The following MGAM2 variants were observed in gnomAD, a reference collection of about 807,000 sequenced individuals.
MGAM2 encodes the protein probable maltase-glucoamylase 2.
A neutral mutation model predicts 96.1 loss-of-function variants in MGAM2; 98 were observed. That is an observed-to-expected ratio of 1.02 (90% CI 0.87 to 1.21). The LOEUF (loss-of-function observed/expected upper bound fraction) is 1.21. MGAM2 is among the 50% of genes most tolerant of loss of function. The probability of loss-of-function intolerance (pLI) is 0.00; values close to 1 mark genes in which losing one functional copy is unlikely to be tolerated. For synonymous variants in MGAM2, 749 were observed against 414.8 expected (o/e 1.81, Z -9.79); for missense variants, 2,055 against 1,182.4 (o/e 1.74, Z -10.82).
chr7:142,160,304 T>C, intron 21 of MGAM2, 46 bp downstream of exon 21: 1 of 638,712 alleles, frequency 1.6e-6, no homozygotes, highest in South Asian at 1.8e-5. Flanking sequence ...GGTGCTCTAA[T>C]GGAGCAGGGC....
At chr7:142,196,626 T>C (rs1249485856) in intron 39 of MGAM2, 27 bp downstream of exon 39, 1 of 734,006 alleles carries the variant, frequency 1.4e-6, no homozygotes, top group Admixed American at 1.9e-5. Context: ...CCATTACTAA[T>C]TGCCCAGTCA....
chr7:142,114,153 GGAAAGAAAGAAAGAAA>G (rs772126693), intron 1 of MGAM2, among the ~76,000 whole-genome samples: 883 of 87,128 alleles, frequency 0.01, 64 homozygotes, highest in African/African-American at 0.039. Context: ...AAAGAAAGAA[GGAAAGAAAGAAAGAAA>G]GAAAGAAAGA....
chr7:142,200,212 T>A (rs947726659), intron 45 of MGAM2, among the ~76,000 whole-genome samples: 7 of 152,194 alleles, frequency 4.6e-5, no homozygotes, highest in African/African-American at 1.4e-4. Flanking sequence ...CCAGGGATGA[T>A]CTATCTCTGT....
intron 10 of MGAM2, among the ~76,000 whole-genome samples, chr7:142,139,556 C>T (rs1017538940): frequency 1.3e-5 from 2 of 149,954 alleles, no homozygotes; most frequent in African/African-American, 4.9e-5. Flanking sequence ...AGCTACAAAG[C>T]AGGCTGAGGC....
chr7:142,163,811 T>G (rs1443834009), intron 23 of MGAM2, among the ~76,000 whole-genome samples: 1 of 152,204 alleles, frequency 6.6e-6, no homozygotes, highest in Non-Finnish European at 1.5e-5. Flanking sequence ...CAGCTCATTG[T>G]GTTTTTAATT....
At position 142,147,452 on chromosome 7, in the gene MGAM2, C is replaced by T; in HGVS notation, c.1517-4C>T. 2.9e-6 allele frequency: 2 copies of T among 700,588 alleles called. No individual in the cohort carries two copies. The highest frequency in any genetic ancestry group is 3.5e-5 in the African/African-American group (2 of 57,226). The allele number at this position is 700,588 out of a possible 1,614,324, so 43.4% of individuals were successfully genotyped here. A position where few individuals can be genotyped will look rare whatever the true frequency, so the allele number is the denominator to read the frequency against. On this transcript the variant is annotated splice_polypyrimidine_tract_variant and splice_region_variant and intron_variant, in intron 14 of 47. Coordinates refer to ENST00000477922, the MANE Select transcript of MGAM2 (RefSeq NM_001293626.2). ...GTGCCTCACTAATGAGTATTTCCCT[C>T]CAGGAGTTCTGGATCACTTACTTTT...
chr7:142,149,820 C>T (rs1259910646), intron 15 of MGAM2, among the ~76,000 whole-genome samples: 1 of 152,158 alleles, frequency 6.6e-6, no homozygotes, highest in Non-Finnish European at 1.5e-5. Flanking sequence ...GGATTACAGG[C>T]GTGAGCCACC....
At chr7:142,190,453 T>C (rs533412146) in intron 37 of MGAM2, among the ~76,000 whole-genome samples, 11 of 152,080 alleles carry the variant, frequency 7.2e-5, no homozygotes, top group African/African-American at 2.7e-4. Flanking sequence ...TTTGTATTTT[T>C]TAGTAGAGAC....
chr7:142,182,014 T>A (rs1796559339), intron 32 of MGAM2, among the ~76,000 whole-genome samples: 1 of 152,110 alleles, frequency 6.6e-6, no homozygotes. Context: ...GCAGAGTCTG[T>A]GGCTGGTAAA....
rs185936773 is a variant in MGAM2 at position 142,198,735 on chromosome 7, T to A, written c.5044T>A (p.Ser1682Thr). The change falls in exon 44 of 48, where the codon TCC (serine) becomes ACC (threonine). Residue 1682 changes from serine (S) to threonine (T), a missense_variant. Transcript: ENST00000477922. ...GCAAGAGCCTGCTATGAACACTCAC[T>A]CCAGGTGAGGAGAAGAGGCAATGTC... ...PWQEPAMNTH[S>T]SRQNFMGLIV... 4 of 703,450 alleles carry A rather than the reference T, an allele frequency of 5.7e-6. No homozygotes were observed. The Admixed American group carries it at 8.0e-5, about 14-fold the overall frequency. 43.6% of individuals were successfully genotyped at this position (703,450 alleles called of 1,614,324 possible). A position where few individuals can be genotyped will look rare whatever the true frequency, so the allele number is the denominator to read the frequency against.
Position 142,187,696 on chromosome 7 carries a change from C to T in MGAM2, c.4123-54C>T, listed in dbSNP as rs1325003904. ...TCCCTGAGTTAGTGTCCTCTATAGC[C>T]AAGGCCATCCTGCCCCTGACATGAC... On this transcript the variant is annotated intron_variant, in intron 35 of 47. Coordinates refer to ENST00000477922, the MANE Select transcript of MGAM2 (RefSeq NM_001293626.2). 8.6e-6 allele frequency: 6 copies of T among 695,748 alleles called. No homozygotes were observed. In the Admixed American group the frequency reaches 1.2e-4, roughly 14 times the overall value. 43.1% of individuals were successfully genotyped at this position (695,748 alleles called of 1,614,324 possible). A position where few individuals can be genotyped will look rare whatever the true frequency, so the allele number is the denominator to read the frequency against.
chr7:142,157,299 A>G (rs893438555), intron 17 of MGAM2, among the ~76,000 whole-genome samples: 1 of 152,168 alleles, frequency 6.6e-6, no homozygotes, highest in African/African-American at 2.4e-5. Context: ...GCAACCCTGG[A>G]GGGAGCAAGT....
rs1422849221 is a variant in MGAM2 at position 142,132,854 on chromosome 7, ATAT to A, written c.575+773_575+775del. Among the ~76,000 whole-genome samples, 26 of 128,962 alleles carry A rather than the reference ATAT, an allele frequency of 2.0e-4. 1 individual carries two copies. Among genetic ancestry groups the A allele is most frequent in the South Asian group, 1.4e-3 (6 of 4,296 alleles). The allele number at this position is 128,962 out of a possible 152,430, so 84.6% of individuals were successfully genotyped here. A position where few individuals can be genotyped will look rare whatever the true frequency, so the allele number is the denominator to read the frequency against. On this transcript the variant is annotated intron_variant, in intron 6 of 47. Transcript: ENST00000477922. Reference sequence around the variant, plus strand: ...GTAATATAATTATATAAATATATAGATATTATATATTAAATTAAATATAATATA... The same window carrying A: ...GTAATATAATTATATAAATATATAGATATATATTAAATTAAATATAATATA...
intron 31 of MGAM2, among the ~76,000 whole-genome samples, chr7:142,174,715 C>CTCTCTTTTTT (rs1194981898): frequency 3.5e-5 from 3 of 85,460 alleles, no homozygotes; most frequent in African/African-American, 1.7e-4. Context: ...CTCTCTCTCT[C>CTCTCTTTTTT]TTTTTTTTTT....
intron 2 of MGAM2, among the ~76,000 whole-genome samples, chr7:142,119,028 C>T (rs752609039): frequency 6.6e-6 from 1 of 152,062 alleles, no homozygotes; most frequent in African/African-American, 2.4e-5. Context: ...TGCTTTGAAG[C>T]ACACTTTGAA....
At chr7:142,118,655 G>A (rs992254560) in intron 2 of MGAM2, among the ~76,000 whole-genome samples, 1 of 152,102 alleles carries the variant, frequency 6.6e-6, no homozygotes, top group Non-Finnish European at 1.5e-5. Context: ...TTTCCAATGG[G>A]GCCAATAATA....
chr7:142,202,314 T>C (rs904752649), intron 45 of MGAM2, among the ~76,000 whole-genome samples: 1 of 152,210 alleles, frequency 6.6e-6, no homozygotes, highest in Non-Finnish European at 1.5e-5. Context: ...ATAATATTTT[T>C]ATAATTTCAA....
rs770709384 is a variant in MGAM2 at position 142,144,885 on chromosome 7, C to T, written c.1456C>T (p.Leu486Phe). Residue 486 changes from leucine (L) to phenylalanine (F), a missense_variant, in exon 14 of 48, where the codon CTC becomes TTC. By Grantham distance (22) the Leu-to-Phe change is conservative (BLOSUM62 0). Coordinates refer to ENST00000477922, the MANE Select transcript of MGAM2 (RefSeq NM_001293626.2). ...WIEMNEVSSL[L>F]QASNNQCESN... is the part of the protein sequence containing the mutation. Reference sequence around the variant, plus strand: ...GGAAATGAATGAAGTATCTAGCTTACTCCAAGCTTCTAATAACCAGTGTGA... The same window carrying T: ...GGAAATGAATGAAGTATCTAGCTTATTCCAAGCTTCTAATAACCAGTGTGA... 26 of 702,666 alleles carry T rather than the reference C, an allele frequency of 3.7e-5. No homozygotes were observed. The highest frequency in any genetic ancestry group is 6.5e-5 in the Non-Finnish European group (25 of 384,900). The allele number at this position is 702,666 out of a possible 1,614,324, so 43.5% of individuals were successfully genotyped here. A position where few individuals can be genotyped will look rare whatever the true frequency, so the allele number is the denominator to read the frequency against.
chr7:142,167,430 A>T lies in MGAM2; in HGVS notation c.2971A>T (p.Ile991Phe), dbSNP rs1454241387. 1.4e-6 allele frequency: 1 copy of T among 702,980 alleles called. No homozygotes were observed. Among genetic ancestry groups the T allele is most frequent in the Admixed American group, 2.0e-5 (1 of 50,002 alleles). 43.5% of individuals were successfully genotyped at this position (702,980 alleles called of 1,614,324 possible). Residue 991 changes from isoleucine to phenylalanine, a missense_variant, in exon 26 of 48, where the codon ATC becomes TTC. By Grantham distance (21) the Ile-to-Phe change is conservative. Coordinates refer to ENST00000477922, the MANE Select transcript of MGAM2 (RefSeq NM_001293626.2). ...CGCCTCTGATTCTCTCTCTGCAAAG[A>T]TCAGCTTCCTCCACCTGAAAGTGAT... ...AAASDSLSAK[I>F]SFLHLKVIYH...
Sources: allele counts gnomAD v4.1 joint callset (sites outside exome capture counted in the v4.1 genomes callset), GRCh38; gene constraint gnomAD v4.1.1; transcripts MANE v1.5; gene names NCBI Gene and HGNC (gene_info 2026-07-23, HGNC 2026-07-21).